ZBTB7C: variants seen among roughly 807,000 people sequenced by gnomAD.
ZBTB7C encodes zinc finger and BTB domain-containing protein 7C.
ZBTB7C carries 8 observed loss-of-function variants against 25.7 expected under a neutral mutation model. The ratio of observed to expected loss-of-function variants is 0.31; its 90% CI spans 0.18 to 0.56. ZBTB7C has a LOEUF of 0.56. ZBTB7C is among the 20% of genes least tolerant of loss of function. ZBTB7C has a pLI of 0.91. For synonymous variants in ZBTB7C, 394 were observed against 369.0 expected (o/e 1.07, Z -0.78); for missense variants, 824 against 855.2 (o/e 0.96, Z 0.46).
Position 48,319,082 on chromosome 18 carries a change from C to T in ZBTB7C, c.-79+19092G>A, listed in dbSNP as rs556155308. Among the ~76,000 whole-genome samples the T allele has an allele frequency of 4.6e-5, 7 of 151,064 alleles. No homozygotes were observed. The East Asian group carries it at 7.8e-4, about 17-fold the overall frequency. On this transcript the variant is annotated intron_variant, in intron 2 of 4. Transcript: ENST00000590800. ...CTACCATAAATTTTGTGTCAATTAA[C>T]GAGTATTCATGAACGATGCCAGAAT... is the stretch of plus-strand genomic sequence containing the variant.
chr18:48,151,423 C>T (rs566278948), intron 3 of ZBTB7C, among the ~76,000 whole-genome samples: 1 of 152,098 alleles, frequency 6.6e-6, no homozygotes, highest in Non-Finnish European at 1.5e-5. Flanking sequence ...TTCATGGTGC[C>T]TAACATATAG....
chr18:48,029,762 C>T lies in ZBTB7C; in HGVS notation c.1358G>A (p.Cys453Tyr), dbSNP rs1360253170. Reference sequence around the variant, plus strand: ...GTCAGAGCGCGTGAAGCTCTTGTAGCAGAACTCGCACTGGTAGGGCCGCAC... The same window carrying T: ...GTCAGAGCGCGTGAAGCTCTTGTAGTAGAACTCGCACTGGTAGGGCCGCAC... The part of the protein sequence containing the change: ...TGVRPYQCEF[C>Y]YKSFTRSDHL... The change falls in exon 5 of 5, where the codon TGC (cysteine) becomes TAC (tyrosine). Residue 453 changes from cysteine (C) to tyrosine (Y), a missense_variant. Around this residue, in one of 4 missense-constraint regions of ZBTB7C, gnomAD observed 342 missense variants for 307.0 expected, o/e 1.11. Coordinates refer to ENST00000590800, the MANE Select transcript of ZBTB7C (RefSeq NM_001318841.2). 2 of 1,608,334 alleles carry T rather than the reference C, an allele frequency of 1.2e-6. No individual in the cohort carries two copies. The highest frequency in any genetic ancestry group is 3.3e-5 in the Admixed American group (2 of 60,002).
chr18:48,144,218 G>T (rs2040432933), intron 3 of ZBTB7C, among the ~76,000 whole-genome samples: 1 of 151,984 alleles, frequency 6.6e-6, no homozygotes, highest in Non-Finnish European at 1.5e-5. Flanking sequence ...GGCGGAGGTT[G>T]CAGTGAGCCA....
chr18:48,367,354 A>G (rs1221961295), intron 1 of ZBTB7C, among the ~76,000 whole-genome samples: 3 of 133,060 alleles, frequency 2.3e-5, no homozygotes, highest in Non-Finnish European at 4.8e-5. Flanking sequence ...GTGCATATAT[A>G]TATATATATA....
intron 2 of ZBTB7C, among the ~76,000 whole-genome samples, chr18:48,246,288 G>A (rs1255865572): frequency 6.6e-6 from 1 of 151,974 alleles, no homozygotes; most frequent in Non-Finnish European, 1.5e-5. Context: ...ACGTTAGCCG[G>A]GCGTGGTGGC....
intron 3 of ZBTB7C, among the ~76,000 whole-genome samples, chr18:48,157,940 C>T (rs1285855550): frequency 6.6e-6 from 1 of 152,028 alleles, no homozygotes; most frequent in African/African-American, 2.4e-5. Context: ...TAAGGGTGGT[C>T]ATTTGGGGAT....
At chr18:48,216,474 G>A (rs1278496956) in intron 2 of ZBTB7C, among the ~76,000 whole-genome samples, 1 of 151,390 alleles carries the variant, frequency 6.6e-6, no homozygotes, top group Non-Finnish European at 1.5e-5. Flanking sequence ...CAGTTGCTAG[G>A]AGTTGAGGGA....
At chr18:48,117,259 A>G (rs1393572382) in intron 3 of ZBTB7C, among the ~76,000 whole-genome samples, 2 of 152,226 alleles carry the variant, frequency 1.3e-5, no homozygotes, top group African/African-American at 2.4e-5. Flanking sequence ...CCTCAAAATG[A>G]AAAGTGTTTT....
intron 2 of ZBTB7C, among the ~76,000 whole-genome samples, chr18:48,237,100 G>A (rs757154299): frequency 2.0e-5 from 3 of 152,240 alleles, no homozygotes; most frequent in Non-Finnish European, 2.9e-5. Context: ...AGCAGACAGT[G>A]GGGGAGCAAT....
At chr18:48,329,128 C>T (rs1436048513) in intron 2 of ZBTB7C, among the ~76,000 whole-genome samples, 2 of 152,170 alleles carry the variant, frequency 1.3e-5, no homozygotes, top group Non-Finnish European at 2.9e-5. Flanking sequence ...AGAAGTCTCT[C>T]TCTAATATAA....
chr18:48,109,611 C>CAT (rs1491379482), intron 3 of ZBTB7C, among the ~76,000 whole-genome samples: 1 of 90,666 alleles, frequency 1.1e-5, no homozygotes, highest in Non-Finnish European at 2.2e-5. Context: ...TTGCAACAAC[C>CAT]ACACACACAC....
chr18:48,126,344 T>A (rs180794268), intron 3 of ZBTB7C, among the ~76,000 whole-genome samples: 1 of 152,206 alleles, frequency 6.6e-6, no homozygotes, highest in Non-Finnish European at 1.5e-5. Flanking sequence ...TACCCTCTGA[T>A]ACCCTGGGGC....
At chr18:48,289,560 AT>A (rs1474408980) in intron 2 of ZBTB7C, among the ~76,000 whole-genome samples, 2 of 149,688 alleles carry the variant, frequency 1.3e-5, no homozygotes, top group Admixed American at 6.7e-5. Flanking sequence ...TTCAATATAT[AT>A]TTATTATAAT....
At position 48,027,724 on chromosome 18, in the gene ZBTB7C, A is replaced by C. The variant is rs1222778563; in HGVS notation, c.*1536T>G. The C allele has an allele frequency of 6.6e-6, 1 of 152,214 alleles. No individual in the cohort carries two copies. The highest frequency in any genetic ancestry group is 2.4e-5 in the African/African-American group (1 of 41,438). The allele number at this position is 152,214 out of a possible 1,614,324, so 9.4% of individuals were successfully genotyped here. The stretch of plus-strand genomic sequence containing the variant: ...GCTGAAGTCTCTTTGTGCCCATAGC[A>C]CAGGGATTGGGGACTCCAGCCCTGG... On this transcript the variant is annotated 3_prime_UTR_variant, in exon 5 of 5. Transcript: ENST00000590800.
At chr18:48,207,464 A>G (rs2042601464) in intron 2 of ZBTB7C, among the ~76,000 whole-genome samples, 1 of 152,240 alleles carries the variant, frequency 6.6e-6, no homozygotes, top group Non-Finnish European at 1.5e-5. Context: ...TACTGCATGA[A>G]TACTATATAG....
intron 1 of ZBTB7C, among the ~76,000 whole-genome samples, chr18:48,399,043 G>A (rs1315409465): frequency 2.0e-5 from 3 of 152,184 alleles, no homozygotes; most frequent in African/African-American, 2.4e-5. Context: ...CCATGTAGGC[G>A]GGCTGGTTAG....
In ZBTB7C at chr18:48,027,109, A is replaced by G. The variant is rs1340572940; in HGVS notation, c.*2151T>C. The stretch of plus-strand genomic sequence containing the variant: ...GACAGACAGGGAAATTGAAACATCA[A>G]AAAAAAAAAAAAATTGAAGCAAAAC... On this transcript the variant is annotated 3_prime_UTR_variant, in exon 5 of 5. Transcript: ENST00000590800. 1 of 148,858 alleles carries G rather than the reference A, an allele frequency of 6.7e-6. No individual in the cohort carries two copies. The highest frequency in any genetic ancestry group is 1.5e-5 in the Non-Finnish European group (1 of 66,880). The allele number at this position is 148,858 out of a possible 1,614,324, so 9.2% of individuals were successfully genotyped here.
chr18:48,280,049 A>T (rs2044786612), intron 2 of ZBTB7C, among the ~76,000 whole-genome samples: 1 of 152,210 alleles, frequency 6.6e-6, no homozygotes, highest in Admixed American at 6.5e-5. Flanking sequence ...CTAGAGACAG[A>T]ATGGTAAATA....
intron 3 of ZBTB7C, among the ~76,000 whole-genome samples, chr18:48,099,500 A>C (rs1168469334): frequency 6.6e-6 from 1 of 152,228 alleles, no homozygotes; most frequent in African/African-American, 2.4e-5. Flanking sequence ...GCTTTAGATT[A>C]AACTCTGCAA....
Sources: allele counts gnomAD v4.1 joint callset (sites outside exome capture counted in the v4.1 genomes callset), GRCh38; gene constraint gnomAD v4.1.1; regional missense constraint gnomAD v4.1.1; transcripts MANE v1.5; gene names NCBI Gene and HGNC (gene_info 2026-07-23, HGNC 2026-07-21).